Variants in LRATD1 observed in about 807,000 individuals in gnomAD.
LRATD1 encodes LRAT domain containing 1.
A neutral mutation model predicts 21.3 loss-of-function variants in LRATD1; 8 were observed. The observed-to-expected ratio is 0.38, with a 90% CI of 0.22 to 0.68. The LOEUF (loss-of-function observed/expected upper bound fraction) is 0.68. LRATD1 is among the 30% of genes least tolerant of loss of function. LRATD1 has a pLI of 0.54. For synonymous variants in LRATD1, 210 were observed against 186.2 expected (o/e 1.13, Z -1.04); for missense variants, 380 against 404.0 (o/e 0.94, Z 0.51).
Position 14,636,902 on chromosome 2 carries a change from T to C in LRATD1, c.*2044T>C, listed in dbSNP as rs1296351442. ...TTTTCATCCTGGATTCATCCCCTGA[T>C]CTTAAATCAAAACGTCAGATCAATG... On this transcript the variant is annotated 3_prime_UTR_variant, in exon 2 of 2. Coordinates refer to ENST00000295092, the MANE Select transcript of LRATD1 (RefSeq NM_145175.4). 2 of 167,048 alleles carry C rather than the reference T, an allele frequency of 1.2e-5. No individual in the cohort carries two copies. The highest frequency in any genetic ancestry group is 4.8e-5 in the African/African-American group (2 of 41,476). 10.3% of individuals were successfully genotyped at this position (167,048 alleles called of 1,614,324 possible).
Position 14,638,487 on chromosome 2 carries a change from G to C in LRATD1, c.*3629G>C, listed in dbSNP as rs1191760847. Reference sequence around the variant, plus strand: ...TTTTCTGTGGTGAACACTTTTGTTAGAACATGGCTTTTTTATTTTTCTTGG... The same window carrying C: ...TTTTCTGTGGTGAACACTTTTGTTACAACATGGCTTTTTTATTTTTCTTGG... On this transcript the variant is annotated 3_prime_UTR_variant, in exon 2 of 2. Transcript: ENST00000295092. The C allele has an allele frequency of 6.0e-6, 1 of 166,870 alleles. No homozygotes were observed. The highest frequency in any genetic ancestry group is 1.5e-5 in the Non-Finnish European group (1 of 68,056). The allele number at this position is 166,870 out of a possible 1,614,324, so 10.3% of individuals were successfully genotyped here.
chr2:14,651,356 A>G (rs1407780747), downstream of LRATD1, among the ~76,000 whole-genome samples: 1 of 152,158 alleles, frequency 6.6e-6, no homozygotes, highest in Admixed American at 6.5e-5. Flanking sequence ...GCTCTGCACT[A>G]CAACAAATAG....
Position 14,638,699 on chromosome 2 carries a change from T to C in LRATD1, c.*3841T>C, listed in dbSNP as rs1671745034. On this transcript the variant is annotated 3_prime_UTR_variant, in exon 2 of 2. Transcript: ENST00000295092. ...CAAACTTCAATGAAATTAATACTTA[T>C]TGCACAATCATAATATAGCAACCTA... 6.0e-6 allele frequency: 1 copy of C among 167,044 alleles called. No individual in the cohort carries two copies. The highest frequency in any genetic ancestry group is 2.4e-5 in the African/African-American group (1 of 41,460). The allele number at this position is 167,044 out of a possible 1,614,324, so 10.3% of individuals were successfully genotyped here.
chr2:14,641,640 G>A (rs571750818), downstream of LRATD1, among the ~76,000 whole-genome samples: 2 of 152,226 alleles, frequency 1.3e-5, no homozygotes, highest in African/African-American at 4.8e-5. Context: ...GCTCCTTAGT[G>A]GGGCAGTCAG....
downstream of LRATD1, among the ~76,000 whole-genome samples, chr2:14,651,553 A>T (rs1232812134): frequency 1.3e-5 from 2 of 152,082 alleles, no homozygotes; most frequent in South Asian, 4.1e-4. Context: ...CATACTTGGC[A>T]TTATCCATCT....
chr2:14,646,939 A>C (rs1471000559), intron 4 of LRATD1, among the ~76,000 whole-genome samples: 1 of 152,206 alleles, frequency 6.6e-6, no homozygotes, highest in South Asian at 2.1e-4. Context: ...GACCCAAATA[A>C]ATGAAACCCA....
Position 14,632,842 on chromosome 2 carries a change from A to G in LRATD1, c.-132A>G. The G allele has an allele frequency of 6.5e-6, 1 of 152,862 alleles. No homozygotes were observed. The highest frequency in any genetic ancestry group is 1.5e-5 in the Non-Finnish European group (1 of 68,488). The allele number at this position is 152,862 out of a possible 1,614,324, so 9.5% of individuals were successfully genotyped here. A position where few individuals can be genotyped will look rare whatever the true frequency, so the allele number is the denominator to read the frequency against. The stretch of plus-strand genomic sequence containing the variant: ...AGAGCGGAGCCGCAGCCCCACGCGC[A>G]GCCCAGGACCCACTCGCCACCGCCG... On this transcript the variant is annotated 5_prime_UTR_variant, in exon 1 of 2. Transcript: ENST00000295092.
At chr2:14,648,581 T>C (rs766452774) in intron 4 of LRATD1, among the ~76,000 whole-genome samples, 1 of 152,202 alleles carries the variant, frequency 6.6e-6, no homozygotes, top group Non-Finnish European at 1.5e-5. Flanking sequence ...TGTTCTCATA[T>C]AACACATCCT....
Position 14,634,860 on chromosome 2 carries a change from C to T in LRATD1, c.*2C>T. 6.2e-7 allele frequency: 1 copy of T among 1,606,012 alleles called. No individual in the cohort carries two copies. The highest frequency in any genetic ancestry group is 1.7e-4 in the Middle Eastern group (1 of 6,020). ...GACCTCGTGGACGACAAGGAGTAGC[C>T]GCCTAGGGGCTGCCGGCCCCTCTGC... On this transcript the variant is annotated 3_prime_UTR_variant, in exon 2 of 2. Transcript: ENST00000295092.
In LRATD1 at chr2:14,636,219, A is replaced by G. The variant is rs1671685568; in HGVS notation, c.*1361A>G. The G allele has an allele frequency of 1.2e-5, 2 of 171,826 alleles. No individual in the cohort carries two copies. Among genetic ancestry groups the G allele is most frequent in the Admixed American group, 1.2e-4 (2 of 16,508 alleles). The allele number at this position is 171,826 out of a possible 1,614,324, so 10.6% of individuals were successfully genotyped here. On this transcript the variant is annotated 3_prime_UTR_variant, in exon 2 of 2. Transcript: ENST00000295092. ...CAGCCCTAGTAATGGTGGAGTTGTTAATTAATGTGTATATTGTACTGAATT... is the reference window on the plus strand; with the variant it reads ...CAGCCCTAGTAATGGTGGAGTTGTTGATTAATGTGTATATTGTACTGAATT...
At chr2:14,646,489 T>G (rs370464143) in intron 4 of LRATD1, 4 of 152,182 alleles carry the variant, frequency 2.6e-5, no homozygotes, top group African/African-American at 9.6e-5. Context: ...GACTTTTCAT[T>G]TATTCATCAA....
chr2:14,644,352 T>C (rs1671859711), downstream of LRATD1, among the ~76,000 whole-genome samples: 1 of 152,170 alleles, frequency 6.6e-6, no homozygotes, highest in African/African-American at 2.4e-5. Flanking sequence ...TAATTACACA[T>C]TTTTGTTAAT....
intron 3 of LRATD1, chr2:14,646,397 A>T (rs1333399565): frequency 6.6e-6 from 1 of 152,116 alleles, no homozygotes; most frequent in East Asian, 1.9e-4. Flanking sequence ...TTCATCCTCA[A>T]CTTTAGAAAC....
chr2:14,634,068 G>C lies in LRATD1; in HGVS notation c.89G>C (p.Arg30Pro), dbSNP rs754510230. The C allele has an allele frequency of 6.2e-7, 1 of 1,614,140 alleles. No homozygotes were observed. Among genetic ancestry groups the C allele is most frequent in the African/African-American group, 1.3e-5 (1 of 75,054 alleles). Residue 30 changes from arginine to proline, a missense_variant, in exon 2 of 2, where the codon CGG becomes CCG. By Grantham distance (103) the Arg-to-Pro change is moderately radical (BLOSUM62 -2). Coordinates refer to ENST00000295092, the MANE Select transcript of LRATD1 (RefSeq NM_145175.4). Reference protein sequence around the residue: ...DPSGIEKDELRVGVAYFFSDD... With the variant: ...DPSGIEKDELPVGVAYFFSDD... ...TCGGGGATTGAAAAGGACGAACTGCGGGTCGGGGTTGCCTACTTCTTCTCG... is the reference window on the plus strand; with the variant it reads ...TCGGGGATTGAAAAGGACGAACTGCCGGTCGGGGTTGCCTACTTCTTCTCG...
In LRATD1 at chr2:14,634,511, G is replaced by T; in HGVS notation, c.532G>T (p.Val178Leu). Reference sequence around the variant, plus strand: ...GGGCGCGGCCAACGTGGGCCGGGTGGTGAATAGCTGGTACCGCTACCGCCC... The same window carrying T: ...GGGCGCGGCCAACGTGGGCCGGGTGTTGAATAGCTGGTACCGCTACCGCCC... ...EAGAANVGRV[V>L]NSWYRYRPLV... The change falls in exon 2 of 2, where the codon GTG becomes TTG. Residue 178 changes from valine (V) to leucine (L), a missense_variant. Val to Leu is a conservative substitution (Grantham distance 32). Coordinates refer to ENST00000295092, the MANE Select transcript of LRATD1 (RefSeq NM_145175.4). 3.3e-6 allele frequency: 5 copies of T among 1,505,254 alleles called. No individual in the cohort carries two copies. The highest frequency in any genetic ancestry group is 4.4e-6 in the Non-Finnish European group (5 of 1,128,584). The allele number at this position is 1,505,254 out of a possible 1,614,324, so 93.2% of individuals were successfully genotyped here.
chr2:14,642,195 TA>T (rs1671818580), downstream of LRATD1: 1 of 152,668 alleles, frequency 6.6e-6, no homozygotes, highest in Non-Finnish European at 1.5e-5. Context: ...AGTAGAAATT[TA>T]GTTTCTGTTT....
At position 14,637,568 on chromosome 2, in the gene LRATD1, G is replaced by A. The variant is rs1671714710; in HGVS notation, c.*2710G>A. On this transcript the variant is annotated 3_prime_UTR_variant, in exon 2 of 2. Coordinates refer to ENST00000295092, the MANE Select transcript of LRATD1 (RefSeq NM_145175.4). ...TGAAAGAAACTTGAAAGGTTTGCAA[G>A]GTTTCTCCTATCCCTGTTAAAATTA... 6.0e-6 allele frequency: 1 copy of A among 166,926 alleles called. No homozygotes were observed. Among genetic ancestry groups the A allele is most frequent in the Non-Finnish European group, 1.5e-5 (1 of 68,100 alleles). The allele number at this position is 166,926 out of a possible 1,614,324, so 10.3% of individuals were successfully genotyped here. A position where few individuals can be genotyped will look rare whatever the true frequency, so the allele number is the denominator to read the frequency against.
chr2:14,638,476 C>T lies in LRATD1; in HGVS notation c.*3618C>T, dbSNP rs925140473. 1.8e-5 allele frequency: 3 copies of T among 166,880 alleles called. No homozygotes were observed. Among genetic ancestry groups the T allele is most frequent in the Non-Finnish European group, 4.4e-5 (3 of 68,062 alleles). The allele number at this position is 166,880 out of a possible 1,614,324, so 10.3% of individuals were successfully genotyped here. On this transcript the variant is annotated 3_prime_UTR_variant, in exon 2 of 2. Transcript: ENST00000295092. ...CTATGTTTAATTTTTCTGTGGTGAA[C>T]ACTTTTGTTAGAACATGGCTTTTTT...
At chr2:14,650,043 T>A (rs574938546), downstream of LRATD1, 1 of 152,458 alleles carries the variant, frequency 6.6e-6, no homozygotes, top group East Asian at 1.9e-4. Context: ...CCTCCAGAAC[T>A]GGGAGAAATA....
Sources: allele counts gnomAD v4.1 joint callset (sites outside exome capture counted in the v4.1 genomes callset), GRCh38; gene constraint gnomAD v4.1.1; transcripts MANE v1.5; gene names NCBI Gene and HGNC (gene_info 2026-07-23, HGNC 2026-07-21).